Variants in THRB observed in about 807,000 individuals in gnomAD.
THRB encodes the protein thyroid hormone receptor beta.
Under a neutral mutation model 47.8 loss-of-function variants are expected in THRB, and 12 were observed. The ratio of observed to expected loss-of-function variants is 0.25; its 90% CI spans 0.16 to 0.41. The LOEUF is 0.41. Among genes scored for constraint, THRB ranks in the 10% least tolerant of loss-of-function variants. THRB has a pLI of 1.00. For synonymous variants in THRB, 218 were observed against 212.2 expected, an observed-to-expected ratio of 1.03 and a Z score of -0.24; for missense variants, 348 against 589.2, an observed-to-expected ratio of 0.59 and a Z score of 4.24.
At chr3:24,280,433 C>G (rs2150811423) in intron 3 of THRB, among the ~76,000 whole-genome samples, 1 of 152,276 alleles carries the variant, frequency 6.6e-6, no homozygotes. Context: ...AAAAACCCAT[C>G]TGTACATCAC....
At chr3:24,212,325 G>A (rs2046120356) in intron 4 of THRB, among the ~76,000 whole-genome samples, 1 of 152,174 alleles carries the variant, frequency 6.6e-6, no homozygotes, top group Non-Finnish European at 1.5e-5. Flanking sequence ...TTGAACCTGG[G>A]AGGCGGAGGT....
intron 2 of THRB, among the ~76,000 whole-genome samples, chr3:24,306,676 C>G (rs1436874831): frequency 6.6e-6 from 1 of 151,952 alleles, no homozygotes; most frequent in African/African-American, 2.4e-5. Context: ...GGTCAAGAAA[C>G]AAAGTGTTAG....
At chr3:24,407,855 G>A (rs1318603892) in intron 1 of THRB, among the ~76,000 whole-genome samples, 1 of 151,768 alleles carries the variant, frequency 6.6e-6, no homozygotes. Flanking sequence ...TCTCATCTTT[G>A]GTGAAATTTG....
At chr3:24,246,413 G>A (rs974412791) in intron 3 of THRB, among the ~76,000 whole-genome samples, 7 of 152,128 alleles carry the variant, frequency 4.6e-5, no homozygotes, top group Admixed American at 2.0e-4. Context: ...CTGGTTGTAC[G>A]GTTGCAGTTT....
chr3:24,404,793 T>C (rs1373426981), intron 1 of THRB, among the ~76,000 whole-genome samples: 5 of 151,886 alleles, frequency 3.3e-5, no homozygotes, highest in African/African-American at 1.2e-4. Context: ...CAACAATTTT[T>C]AAGAATAAGA....
At chr3:24,382,871 T>G (rs1001411100) in intron 1 of THRB, among the ~76,000 whole-genome samples, 2 of 152,084 alleles carry the variant, frequency 1.3e-5, no homozygotes, top group Non-Finnish European at 2.9e-5. Flanking sequence ...AGCACAGCAC[T>G]TCTCCCCTTC....
At chr3:24,197,139 C>T (rs2044046854) in intron 4 of THRB, among the ~76,000 whole-genome samples, 1 of 152,202 alleles carries the variant, frequency 6.6e-6, no homozygotes, top group African/African-American at 2.4e-5. Flanking sequence ...GCACATAATC[C>T]AGTAACTTTG....
intron 5 of THRB, among the ~76,000 whole-genome samples, chr3:24,169,915 C>G (rs1365939633): frequency 5.3e-5 from 8 of 152,154 alleles, no homozygotes; most frequent in Middle Eastern, 3.4e-3. Flanking sequence ...GACCTTATAG[C>G]CTGCTGAAAA....
chr3:24,375,049 T>C (rs982484278), intron 1 of THRB, among the ~76,000 whole-genome samples: 1 of 151,930 alleles, frequency 6.6e-6, no homozygotes, highest in African/African-American at 2.4e-5. Context: ...AAAACTCAAA[T>C]ACACTAATTC....
intron 1 of THRB, among the ~76,000 whole-genome samples, chr3:24,389,036 C>T (rs1434896105): frequency 6.6e-6 from 1 of 152,114 alleles, no homozygotes; most frequent in Non-Finnish European, 1.5e-5. Flanking sequence ...TATTCTTCTG[C>T]AATATTCTGA....
At chr3:24,394,400 G>A (rs764211554) in intron 1 of THRB, among the ~76,000 whole-genome samples, 7 of 152,048 alleles carry the variant, frequency 4.6e-5, no homozygotes, top group Non-Finnish European at 8.8e-5. Context: ...CTTGACTTGG[G>A]CTCTCCATCT....
intron 5 of THRB, among the ~76,000 whole-genome samples, chr3:24,186,180 G>C (rs2042550307): frequency 6.6e-6 from 1 of 152,144 alleles, no homozygotes; most frequent in Non-Finnish European, 1.5e-5. Context: ...GCACTGGGCT[G>C]GCAAGAACAT....
At chr3:24,171,218 C>T (rs534034036) in intron 5 of THRB, among the ~76,000 whole-genome samples, 19 of 152,306 alleles carry the variant, frequency 1.2e-4, no homozygotes, top group African/African-American at 2.4e-4. Flanking sequence ...TACATTTTGG[C>T]GGAAACCAAA....
chr3:24,370,605 C>G (rs2064834297), intron 1 of THRB, among the ~76,000 whole-genome samples: 1 of 152,080 alleles, frequency 6.6e-6, no homozygotes, highest in Non-Finnish European at 1.5e-5. Context: ...TCAGAACATT[C>G]TCTAGTAGTG....
At chr3:24,153,949 T>C (rs2037408832) in intron 5 of THRB, among the ~76,000 whole-genome samples, 1 of 152,210 alleles carries the variant, frequency 6.6e-6, no homozygotes, top group South Asian at 2.1e-4. Flanking sequence ...TGACATTTCA[T>C]AGACCTTTTA....
Position 24,272,531 on chromosome 3 carries a change from A to AT in THRB, c.-43+24694dup, listed in dbSNP as rs1190199445. Among the ~76,000 whole-genome samples the AT allele has an allele frequency of 5.9e-5, 9 of 152,232 alleles. No individual in the cohort carries two copies. In the East Asian group the frequency reaches 1.5e-3, roughly 26 times the overall value. ...TGCCAACAATTTGTAATGCACTCAC[A>AT]TGTTCCCCTCACTTAAAGGATACTG... On this transcript the variant is annotated intron_variant, in intron 3 of 10. Transcript: ENST00000646209.
chr3:24,416,903 A>C (rs2068780929), intron 1 of THRB, among the ~76,000 whole-genome samples: 1 of 152,014 alleles, frequency 6.6e-6, no homozygotes, highest in Non-Finnish European at 1.5e-5. Flanking sequence ...GTTTATTTCT[A>C]ACTGCTTTGC....
chr3:24,362,197 T>G (rs73825630), intron 1 of THRB, among the ~76,000 whole-genome samples: 8,885 of 151,948 alleles, frequency 0.058, 810 homozygotes, highest in African/African-American at 0.2. Flanking sequence ...TTTTACTGAG[T>G]GCCACAGGCG....
intron 1 of THRB, among the ~76,000 whole-genome samples, chr3:24,396,796 C>T (rs772179418): frequency 2.0e-5 from 3 of 152,054 alleles, no homozygotes; most frequent in Non-Finnish European, 2.9e-5. Context: ...TGGTTCTTTT[C>T]GTTTAAAATC....
Sources: allele counts gnomAD v4.1 joint callset (sites outside exome capture counted in the v4.1 genomes callset), GRCh38; gene constraint gnomAD v4.1.1; transcripts MANE v1.5; gene names NCBI Gene and HGNC (gene_info 2026-07-23, HGNC 2026-07-21).